The following RUNX3 variants were observed in gnomAD, a reference collection of about 807,000 sequenced individuals.
RUNX3 encodes the protein RUNX family transcription factor 3, also known as runt-related transcription factor 3.
A neutral mutation model predicts 27.7 loss-of-function variants in RUNX3; 10 were observed. The observed-to-expected ratio is 0.36, with a 90% CI of 0.22 to 0.61. The LOEUF (loss-of-function observed/expected upper bound fraction) is 0.61. RUNX3 is among the 20% of genes least tolerant of loss of function. RUNX3 has a pLI of 0.72. For missense variants in RUNX3, 469 were observed against 629.5 expected (o/e 0.75, Z 2.73); for synonymous variants, 270 against 269.2 (o/e 1.00, Z -0.03).
chr1:24,948,241 C>T (rs1641662361), intron 2 of RUNX3, among the ~76,000 whole-genome samples: 1 of 152,200 alleles, frequency 6.6e-6, no homozygotes, highest in South Asian at 2.1e-4. Context: ...CTGCAGCCTC[C>T]CTCAGACCAC....
Position 24,901,046 on chromosome 1 carries a change from T to G in RUNX3, c.*1076A>C, listed in dbSNP as rs537818646. ...TTTTTTTGTTTTTTTGTTTTTTTTT[T>G]TTTTTTGCTCAGGACTATTTGCTTT... On this transcript the variant is annotated 3_prime_UTR_variant, in exon 5 of 5. Coordinates refer to ENST00000308873, the MANE Select transcript of RUNX3 (RefSeq NM_004350.3). The G allele has an allele frequency of 3.3e-5, 5 of 149,554 alleles. No individual in the cohort carries two copies. Among genetic ancestry groups the G allele is most frequent in the Admixed American group, 6.6e-5 (1 of 15,150 alleles). The allele number at this position is 149,554 out of a possible 1,614,324, so 9.3% of individuals were successfully genotyped here.
At chr1:24,935,263 C>T (rs1641321202), upstream of RUNX3, among the ~76,000 whole-genome samples, 1 of 152,230 alleles carries the variant, frequency 6.6e-6, no homozygotes, top group Admixed American at 6.5e-5. Context: ...GACGTGTTTC[C>T]CTCTGGGCCT....
chr1:24,902,632 G>T lies in RUNX3; in HGVS notation c.738C>A (p.Arg246=). 1 of 1,528,876 alleles carries T rather than the reference G, an allele frequency of 6.5e-7. No individual in the cohort carries two copies. Among genetic ancestry groups the T allele is most frequent in the Non-Finnish European group, 8.8e-7 (1 of 1,135,314 alleles). 94.7% of individuals were successfully genotyped at this position (1,528,876 alleles called of 1,614,324 possible). A position where few individuals can be genotyped will look rare whatever the true frequency, so the allele number is the denominator to read the frequency against. ...TSELNPFSDP[R]QFDRSFPTLP... Reference sequence around the variant, plus strand: ...GCGTGGGGAAGGAGCGGTCAAACTGGCGGGGGTCGGAGAATGGGTTCAGTT... The same window carrying T: ...GCGTGGGGAAGGAGCGGTCAAACTGTCGGGGGTCGGAGAATGGGTTCAGTT... Residue 246 remains arginine (R), a synonymous_variant, in exon 5 of 5, where the codon CGC becomes CGA. Coordinates refer to ENST00000308873, the MANE Select transcript of RUNX3 (RefSeq NM_004350.3). The surrounding 1 kb of genome is among the most constrained non-coding windows in gnomAD (Gnocchi z 9.2).
chr1:24,910,642 G>A (rs1486060764), intron 3 of RUNX3, among the ~76,000 whole-genome samples: 1 of 152,220 alleles, frequency 6.6e-6, no homozygotes, highest in Non-Finnish European at 1.5e-5. Context: ...ACAGGTATCT[G>A]GGAGCCTCAG....
Position 24,902,634 on chromosome 1 carries a change from G to T in RUNX3, c.736C>A (p.Arg246Ser). ...GTGGGGAAGGAGCGGTCAAACTGGC[G>T]GGGGTCGGAGAATGGGTTCAGTTCC... ...TSELNPFSDP[R>S]QFDRSFPTLP... The change falls in exon 5 of 5, where the codon CGC (arginine) becomes AGC (serine). Residue 246 changes from arginine to serine, a missense_variant. Physicochemically the swap from Arg to Ser is moderately radical, Grantham distance 110. This residue lies in a region of RUNX3 where 279 missense variants were observed against 343.0 expected (regional missense o/e 0.81). Transcript: ENST00000308873. This position sits in a 1 kb window ranked among gnomAD's most constrained non-coding sequence, Gnocchi z 9.2. 1 of 1,527,742 alleles carries T rather than the reference G, an allele frequency of 6.5e-7. No individual in the cohort carries two copies. The allele number at this position is 1,527,742 out of a possible 1,614,324, so 94.6% of individuals were successfully genotyped here. A position where few individuals can be genotyped will look rare whatever the true frequency, so the allele number is the denominator to read the frequency against.
At chr1:24,948,792 G>T (rs887610719) in intron 2 of RUNX3, among the ~76,000 whole-genome samples, 1 of 152,058 alleles carries the variant, frequency 6.6e-6, no homozygotes, top group East Asian at 1.9e-4. Context: ...GGGTACATGT[G>T]GGGAGGCCAC....
intron 2 of RUNX3, among the ~76,000 whole-genome samples, chr1:24,944,867 A>C (rs992210279): frequency 4.6e-5 from 7 of 152,248 alleles, no homozygotes; most frequent in Non-Finnish European, 1.0e-4. Flanking sequence ...AGGGAGACTC[A>C]TAGAGAATTT....
chr1:24,908,240 C>T (rs1227119677), intron 3 of RUNX3, among the ~76,000 whole-genome samples: 4 of 150,688 alleles, frequency 2.7e-5, no homozygotes, highest in African/African-American at 9.9e-5. Context: ...CTATGACACG[C>T]GGTGATCTGA....
intron 3 of RUNX3, among the ~76,000 whole-genome samples, chr1:24,917,470 C>T (rs1026501102): frequency 3.3e-5 from 5 of 152,168 alleles, no homozygotes; most frequent in African/African-American, 7.2e-5. Flanking sequence ...CTCTGTGCTA[C>T]GGCCACGTGC....
chr1:24,934,236 G>A (rs1641295682), upstream of RUNX3, among the ~76,000 whole-genome samples: 1 of 152,254 alleles, frequency 6.6e-6, no homozygotes. Context: ...ATATATCTGG[G>A]TTGAGGGGTT....
At chr1:24,956,799 C>T (rs1641941903) in intron 2 of RUNX3, among the ~76,000 whole-genome samples, 2 of 152,290 alleles carry the variant, frequency 1.3e-5, no homozygotes, top group African/African-American at 2.4e-5. Flanking sequence ...AAAATGGACC[C>T]CTCCTTTCCT....
At chr1:24,944,191 A>G (rs1641547814) in intron 2 of RUNX3, among the ~76,000 whole-genome samples, 1 of 152,086 alleles carries the variant, frequency 6.6e-6, no homozygotes, top group African/African-American at 2.4e-5. Flanking sequence ...CCTTCTAGCC[A>G]GGCTTGATGG....
At chr1:24,955,762 G>C (rs539719230) in intron 2 of RUNX3, among the ~76,000 whole-genome samples, 5 of 152,166 alleles carry the variant, frequency 3.3e-5, no homozygotes, top group Admixed American at 3.3e-4. Flanking sequence ...AAAAACACTG[G>C]GGGGGAGGGT....
chr1:24,929,761 C>T lies in RUNX3; in HGVS notation c.108G>A (p.Leu36=). The part of the protein sequence containing the change: ...GGKMGENSGA[L]SAQAAVGPGG... ...CGGGCCCCACGGCCGCCTGCGCGCT[C>T]AGCGCGCCGCTGTTCTCGCCCATCT... The change falls in exon 1 of 5, where the codon CTG becomes CTA. Residue 36 remains leucine (L), a synonymous_variant. Transcript: ENST00000308873. 3.4e-6 allele frequency: 5 copies of T among 1,463,688 alleles called. No homozygotes were observed. Among genetic ancestry groups the T allele is most frequent in the East Asian group, 2.9e-5 (1 of 34,842 alleles). The allele number at this position is 1,463,688 out of a possible 1,614,324, so 90.7% of individuals were successfully genotyped here. A position where few individuals can be genotyped will look rare whatever the true frequency, so the allele number is the denominator to read the frequency against.
At chr1:24,949,846 C>G (rs1487018626) in intron 2 of RUNX3, among the ~76,000 whole-genome samples, 2 of 152,258 alleles carry the variant, frequency 1.3e-5, no homozygotes, top group African/African-American at 4.8e-5. Flanking sequence ...TGGGCCTTGG[C>G]TCAGAGCATG....
chr1:24,921,252 A>G (rs1228715218), intron 2 of RUNX3, among the ~76,000 whole-genome samples: 1 of 152,164 alleles, frequency 6.6e-6, no homozygotes, highest in Non-Finnish European at 1.5e-5. Flanking sequence ...GGTACTTGTT[A>G]GTCAACTGAT....
In RUNX3 at chr1:24,927,809, G is replaced by GCCCA; in HGVS notation, c.283-80_283-79insTGGG. On this transcript the variant is annotated intron_variant, in intron 1 of 4. Transcript: ENST00000308873. The surrounding 1 kb of genome is among the most constrained non-coding windows in gnomAD (Gnocchi z 5.0). ...GACCAGGGAAAGGAGGGGAGGGGCT[G>GCCCA]GGCTGGGCAGCTCCCCCAGGTCCCA... is the stretch of plus-strand genomic sequence containing the variant. 7.7e-7 allele frequency: 1 copy of GCCCA among 1,292,670 alleles called. No individual in the cohort carries two copies. Among genetic ancestry groups the GCCCA allele is most frequent in the Non-Finnish European group, 1.1e-6 (1 of 892,176 alleles). 80.1% of individuals were successfully genotyped at this position (1,292,670 alleles called of 1,614,324 possible).
intron 3 of RUNX3, among the ~76,000 whole-genome samples, chr1:24,909,816 C>T (rs1299577985): frequency 6.6e-6 from 1 of 152,238 alleles, no homozygotes; most frequent in Non-Finnish European, 1.5e-5. Context: ...GGCTGATCAA[C>T]CCTAACACGG....
intron 3 of RUNX3, among the ~76,000 whole-genome samples, chr1:24,918,892 G>C (rs1449106300): frequency 6.6e-6 from 1 of 152,196 alleles, no homozygotes; most frequent in East Asian, 1.9e-4. Context: ...CCGCAGAGAA[G>C]CTGGGGGCAG....
Sources: gnomAD v4.1 joint callset for allele counts (sites outside exome capture counted in the v4.1 genomes callset) on GRCh38, gnomAD v4.1.1 for gene constraint, gnomAD v4.1.1 regional missense constraint, Gnocchi (gnomAD v3.1) non-coding constraint, MANE v1.5 for transcripts, NCBI Gene and HGNC (gene_info 2026-07-23, HGNC 2026-07-21) for gene names.